PTPN13: variants seen among roughly 807,000 people sequenced by gnomAD.
PTPN13 encodes protein tyrosine phosphatase non-receptor type 13.
In PTPN13, 191 loss-of-function variants were observed where a neutral mutation model predicts 284.0. That is an observed-to-expected ratio of 0.67 (90% CI 0.60 to 0.76). The LOEUF (loss-of-function observed/expected upper bound fraction) is 0.76, where lower values mean the gene tolerates loss of function less well. PTPN13 is among the 30% of genes least tolerant of loss of function. The pLI is 0.00. For synonymous variants in PTPN13, 986 were observed against 1,022.3 expected, an observed-to-expected ratio of 0.96 and a Z score of 0.68; for missense variants, 2,797 against 2,939.9, an observed-to-expected ratio of 0.95 and a Z score of 1.12.
intron 1 of PTPN13, among the ~76,000 whole-genome samples, chr4:86,624,509 T>G (rs976516324): frequency 6.6e-6 from 1 of 152,220 alleles, no homozygotes; most frequent in Non-Finnish European, 1.5e-5. Flanking sequence ...AGCCCTTTGT[T>G]GAATAGTTAG....
chr4:86,682,072 A>G (rs1728955481), intron 3 of PTPN13, among the ~76,000 whole-genome samples: 1 of 152,250 alleles, frequency 6.6e-6, no homozygotes, highest in Non-Finnish European at 1.5e-5. Flanking sequence ...TTATGATAGT[A>G]GTGTTATAGA....
chr4:86,609,628 CTT>C (rs1765085625), intron 1 of PTPN13, among the ~76,000 whole-genome samples: 2 of 152,114 alleles, frequency 1.3e-5, no homozygotes, highest in African/African-American at 2.4e-5. Flanking sequence ...AATAGCATAA[CTT>C]ATTTTTTCTG....
intron 42 of PTPN13, among the ~76,000 whole-genome samples, chr4:86,802,761 T>C (rs1427736049): frequency 6.6e-6 from 1 of 152,184 alleles, no homozygotes; most frequent in African/African-American, 2.4e-5. Flanking sequence ...GGAAATATTA[T>C]TAGTTGTTGC....
chr4:86,632,074 G>A (rs1029200560), intron 1 of PTPN13, among the ~76,000 whole-genome samples: 23 of 125,214 alleles, frequency 1.8e-4, no homozygotes, highest in African/African-American at 6.2e-4. Context: ...ATCACCAGAG[G>A]AAGTTCTGCC....
chr4:86,648,655 A>T (rs1724720615), intron 2 of PTPN13, among the ~76,000 whole-genome samples: 2 of 152,196 alleles, frequency 1.3e-5, no homozygotes, highest in African/African-American at 4.8e-5. Flanking sequence ...ATGATTCCGT[A>T]ACTTGGCTAT....
rs6148556 is a variant in PTPN13, at chr4:86,761,139, A to AATATATATATATATAT, written c.3554-1572_3554-1557dup. ...TATATGTGATGTGTGTGTGTGTGTA[A>AATATATATATATATAT]ATATATATATATATATATATATATA... On this transcript the variant is annotated intron_variant, in intron 23 of 47. Transcript: ENST00000411767. 9.1e-3 allele frequency among the ~76,000 whole-genome samples: 1,102 copies of AATATATATATATATAT among 120,490 alleles called. 7 individuals are homozygous for AATATATATATATATAT. Among genetic ancestry groups the AATATATATATATATAT allele is most frequent in the East Asian group, 0.012 (46 of 3,878 alleles). 79.0% of individuals were successfully genotyped at this position (120,490 alleles called of 152,430 possible). A position where few individuals can be genotyped will look rare whatever the true frequency, so the allele number is the denominator to read the frequency against.
chr4:86,790,005 A>C (rs1157726956), intron 40 of PTPN13, among the ~76,000 whole-genome samples: 1 of 152,082 alleles, frequency 6.6e-6, no homozygotes, highest in Non-Finnish European at 1.5e-5. Context: ...TGTTATTAAA[A>C]TTTTCATATT....
intron 23 of PTPN13, among the ~76,000 whole-genome samples, chr4:86,761,169 T>A (rs934149307): frequency 2.8e-5 from 4 of 145,100 alleles, no homozygotes; most frequent in Admixed American, 6.9e-5. Context: ...TATATATATA[T>A]AAACACAACA....
chr4:86,613,269 A>C (rs1324450550), intron 1 of PTPN13, among the ~76,000 whole-genome samples: 1 of 152,224 alleles, frequency 6.6e-6, no homozygotes, highest in Non-Finnish European at 1.5e-5. Context: ...TCCCATAAGG[A>C]AAGCAGGTGT....
At chr4:86,688,728 A>G (rs1729701171) in intron 4 of PTPN13, among the ~76,000 whole-genome samples, 2 of 152,182 alleles carry the variant, frequency 1.3e-5, no homozygotes, top group Admixed American at 1.3e-4. Flanking sequence ...ACATTTGAAT[A>G]AGCCAAGAAT....
At chr4:86,726,128 T>C (rs1004979243) in intron 10 of PTPN13, among the ~76,000 whole-genome samples, 1 of 149,606 alleles carries the variant, frequency 6.7e-6, no homozygotes, top group African/African-American at 2.4e-5. Context: ...CAGTTGGTTG[T>C]AGATGTGTGG....
At chr4:86,806,012 CCG>C (rs1744611602) in intron 44 of PTPN13, among the ~76,000 whole-genome samples, 1 of 151,846 alleles carries the variant, frequency 6.6e-6, no homozygotes, top group Admixed American at 6.6e-5. Flanking sequence ...CAGAAATTAG[CCG>C]AGAGTGGTGG....
In PTPN13 at chr4:86,672,394, T is replaced by G; in HGVS notation, c.145T>G (p.Phe49Val). The G allele has an allele frequency of 6.4e-7, 1 of 1,554,990 alleles. No homozygotes were observed. Among genetic ancestry groups the G allele is most frequent in the Non-Finnish European group, 8.7e-7 (1 of 1,148,760 alleles). Residue 49 changes from phenylalanine (F) to valine (V), a missense_variant, in exon 3 of 48, where the codon TTC becomes GTC. Coordinates refer to ENST00000411767, the MANE Select transcript of PTPN13 (RefSeq NM_080683.3). ...CCTAGCTGATCCTGCTGCCCTTGGC[T>G]TCATCATTTCTCCATGGTCTCTGCT... is the stretch of plus-strand genomic sequence containing the variant. ...VSLADPAALG[F>V]IISPWSLLLL...
chr4:86,735,528 T>C, intron 14 of PTPN13, 66 bp from the exon 15 acceptor site: 1 of 1,546,160 alleles, frequency 6.5e-7, no homozygotes, highest in Non-Finnish European at 8.7e-7. Flanking sequence ...AACTTTAAGA[T>C]AGAAGGAAAA....
intron 10 of PTPN13, among the ~76,000 whole-genome samples, chr4:86,727,804 C>T (rs1294084261): frequency 6.7e-6 from 1 of 149,050 alleles, no homozygotes; most frequent in African/African-American, 2.4e-5. Flanking sequence ...TTTTTTCTGT[C>T]TCTATCTCCT....
At chr4:86,770,361 G>A (rs1427052019) in intron 30 of PTPN13, among the ~76,000 whole-genome samples, 162 bp downstream of exon 30, 2 of 152,032 alleles carry the variant, frequency 1.3e-5, no homozygotes, top group African/African-American at 4.8e-5. Flanking sequence ...TTCTTTGAAT[G>A]TATTCCATAT....
intron 41 of PTPN13, among the ~76,000 whole-genome samples, chr4:86,797,853 C>CA (rs1362548353): frequency 6.6e-6 from 1 of 150,822 alleles, no homozygotes; most frequent in African/African-American, 2.4e-5. Context: ...TCTTTTTTTA[C>CA]AAAAATATAT....
At chr4:86,743,304 G>T (rs1403180995) in intron 16 of PTPN13, among the ~76,000 whole-genome samples, 1 of 152,062 alleles carries the variant, frequency 6.6e-6, no homozygotes, top group Non-Finnish European at 1.5e-5. Context: ...TGTGATATTT[G>T]CTGCCTTTGG....
intron 1 of PTPN13, among the ~76,000 whole-genome samples, chr4:86,633,457 C>G (rs1482296460): frequency 6.6e-6 from 1 of 152,144 alleles, no homozygotes; most frequent in Non-Finnish European, 1.5e-5. Context: ...TCCCAGGGGT[C>G]CCATTAAAGC....
Sources: allele counts gnomAD v4.1 joint callset (sites outside exome capture counted in the v4.1 genomes callset), GRCh38; gene constraint gnomAD v4.1.1; transcripts MANE v1.5; gene names NCBI Gene and HGNC (gene_info 2026-07-23, HGNC 2026-07-21).